ENDOD1: variants seen among roughly 807,000 people sequenced by gnomAD.
ENDOD1 encodes endonuclease domain containing 1, also known as endonuclease domain-containing 1 protein.
A neutral mutation model predicts 6.5 loss-of-function variants in ENDOD1; 9 were observed. The ratio of observed to expected loss-of-function variants is 1.39; its 90% CI spans 0.84 to 2.43. The LOEUF (loss-of-function observed/expected upper bound fraction) is 2.43. ENDOD1 is among the 30% of genes most tolerant of loss of function. ENDOD1 has a pLI of 0.00. For missense variants in ENDOD1, 648 were observed against 635.5 expected (o/e 1.02, Z -0.21); for synonymous variants, 255 against 255.2 (o/e 1.00, Z 0.01).
chr11:95,106,020 G>T (rs1390815450), intron 1 of ENDOD1, among the ~76,000 whole-genome samples: 3 of 152,146 alleles, frequency 2.0e-5, no homozygotes, highest in African/African-American at 7.2e-5. Context: ...GGGAAGCAAG[G>T]GAATGAATGT....
intron 1 of ENDOD1, among the ~76,000 whole-genome samples, chr11:95,124,310 C>T (rs1859290858): frequency 6.6e-6 from 1 of 152,116 alleles, no homozygotes; most frequent in Non-Finnish European, 1.5e-5. Context: ...AGTAAAAATG[C>T]CTTCCACATA....
At chr11:95,100,002 A>T (rs11021042) in intron 1 of ENDOD1, among the ~76,000 whole-genome samples, 7,509 of 152,306 alleles carry the variant, frequency 0.049, 253 homozygotes, top group African/African-American at 0.091. Flanking sequence ...CACAGGGAAA[A>T]GAAAGCCAAG....
At chr11:95,107,354 A>G (rs1017904839) in intron 1 of ENDOD1, among the ~76,000 whole-genome samples, 1 of 151,332 alleles carries the variant, frequency 6.6e-6, no homozygotes, top group East Asian at 2.0e-4. Context: ...AAAAAAAAAA[A>G]GGTCTGGGTG....
In ENDOD1 at chr11:95,090,240, G is replaced by A; in HGVS notation, c.300+13G>A. On this transcript the variant is annotated intron_variant, in intron 1 of 1. Transcript: ENST00000278505. Reference sequence around the variant, plus strand: ...GGTGGAGCCGCAGGTAAGCGAAGTGGTTCCCGAGCCGGGCTGCGGGCGCCG... The same window carrying A: ...GGTGGAGCCGCAGGTAAGCGAAGTGATTCCCGAGCCGGGCTGCGGGCGCCG... The A allele has an allele frequency of 7.3e-7, 1 of 1,368,328 alleles. No individual in the cohort carries two copies. Among genetic ancestry groups the A allele is most frequent in the Non-Finnish European group, 9.5e-7 (1 of 1,056,102 alleles). 84.8% of individuals were successfully genotyped at this position (1,368,328 alleles called of 1,614,324 possible).
chr11:95,107,376 T>G (rs1859099665), intron 1 of ENDOD1, among the ~76,000 whole-genome samples: 1 of 150,844 alleles, frequency 6.6e-6, no homozygotes, highest in Admixed American at 6.6e-5. Context: ...GGCCTGAGGA[T>G]ATTTTTAAAG....
intron 1 of ENDOD1, among the ~76,000 whole-genome samples, chr11:95,115,125 G>A (rs1212008973): frequency 2.6e-5 from 4 of 152,036 alleles, no homozygotes; most frequent in African/African-American, 7.2e-5. Flanking sequence ...CTATGAACAC[G>A]GAATATTTTT....
rs573125350 is a variant in ENDOD1, at chr11:95,094,515, T to A, written c.300+4288T>A. On this transcript the variant is annotated intron_variant, in intron 1 of 1. Transcript: ENST00000278505. ...AGGTTGCTCAAGTGTCACTTTACTC[T>A]GGAATGAAGGGGATATTCTGGTTAA... is the stretch of plus-strand genomic sequence containing the variant. Among the ~76,000 whole-genome samples the A allele has an allele frequency of 4.6e-5, 7 of 152,374 alleles. 1 individual carries two copies. The highest frequency in any genetic ancestry group is 1.4e-4 in the African/African-American group (6 of 41,586).
intron 1 of ENDOD1, among the ~76,000 whole-genome samples, chr11:95,105,403 C>T (rs1375566321): frequency 6.6e-6 from 1 of 152,084 alleles, no homozygotes; most frequent in Admixed American, 6.5e-5. Context: ...AGTTGTAATA[C>T]TGTCTTGTTT....
intron 1 of ENDOD1, 105 bp downstream of exon 1, chr11:95,090,332 C>G: frequency 7.6e-7 from 1 of 1,315,254 alleles, no homozygotes; most frequent in Non-Finnish European, 9.7e-7. Context: ...AACAGCAATC[C>G]CTACGCCTTC....
chr11:95,129,951 A>T lies in ENDOD1; in HGVS notation c.*372A>T, dbSNP rs1273775708. On this transcript the variant is annotated 3_prime_UTR_variant, in exon 2 of 2. Coordinates refer to ENST00000278505, the MANE Select transcript of ENDOD1 (RefSeq NM_015036.3). ...CAACTTTAGACCAAAGGTGTCTGAG[A>T]AAAGGAGAAAGGGAGCTTGTTCTTC... 2 of 168,020 alleles carry T rather than the reference A, an allele frequency of 1.2e-5. No homozygotes were observed. Among genetic ancestry groups the T allele is most frequent in the African/African-American group, 4.8e-5 (2 of 41,854 alleles). The allele number at this position is 168,020 out of a possible 1,614,324, so 10.4% of individuals were successfully genotyped here. A position where few individuals can be genotyped will look rare whatever the true frequency, so the allele number is the denominator to read the frequency against.
At chr11:95,100,452 G>A (rs1486909411) in intron 1 of ENDOD1, among the ~76,000 whole-genome samples, 1 of 151,934 alleles carries the variant, frequency 6.6e-6, no homozygotes, top group Non-Finnish European at 1.5e-5. Context: ...CAACTTGCAG[G>A]TCTTTAACTC....
Position 95,128,730 on chromosome 11 carries a change from T to G in ENDOD1, c.654T>G (p.Phe218Leu). Residue 218 changes from phenylalanine to leucine, a missense_variant, in exon 2 of 2, where the codon TTT (phenylalanine) becomes TTG (leucine). Transcript: ENST00000278505. Reference sequence around the variant, plus strand: ...AAGACAAAGTGGCAGTCCCTGAGTTTGTTTGGCTGGCAGCCTGTTGTGCTG... The same window carrying G: ...AAGACAAAGTGGCAGTCCCTGAGTTGGTTTGGCTGGCAGCCTGTTGTGCTG... ...RVKDKVAVPEFVWLAACCAVP... is the reference protein window; with the variant it reads ...RVKDKVAVPELVWLAACCAVP... The G allele has an allele frequency of 6.2e-7, 1 of 1,614,192 alleles. No individual in the cohort carries two copies. The highest frequency in any genetic ancestry group is 8.5e-7 in the Non-Finnish European group (1 of 1,180,040).
chr11:95,104,304 T>C (rs1859069122), intron 1 of ENDOD1, among the ~76,000 whole-genome samples: 1 of 151,964 alleles, frequency 6.6e-6, no homozygotes, highest in African/African-American at 2.4e-5. Context: ...AAACATTAGC[T>C]GGGCATGGTG....
chr11:95,091,392 C>T (rs1462193698), intron 1 of ENDOD1, among the ~76,000 whole-genome samples: 1 of 152,238 alleles, frequency 6.6e-6, no homozygotes, highest in African/African-American at 2.4e-5. Context: ...ACCTAGTTTT[C>T]TTATCTTCCT....
intron 1 of ENDOD1, among the ~76,000 whole-genome samples, chr11:95,114,217 A>T (rs1433846032): frequency 1.3e-5 from 2 of 152,194 alleles, no homozygotes; most frequent in Admixed American, 6.5e-5. Context: ...CCTGGGCTCA[A>T]GTGATCTTCT....
rs1388278789 is a variant in ENDOD1 at position 95,098,173 on chromosome 11, A to T, written c.300+7946A>T. Among the ~76,000 whole-genome samples the T allele has an allele frequency of 3.3e-5, 5 of 152,074 alleles. No homozygotes were observed. In the East Asian group the frequency reaches 9.6e-4, roughly 29 times the overall value. ...AGATGCTCAACCTATAGTGGCTACC[A>T]GGGGCTGAGGGGTGGGGAAGATGAG... On this transcript the variant is annotated intron_variant, in intron 1 of 1. Coordinates refer to ENST00000278505, the MANE Select transcript of ENDOD1 (RefSeq NM_015036.3).
rs570592255 is a variant in ENDOD1, at chr11:95,089,917, C to A, written c.-11C>A. The A allele has an allele frequency of 1.0e-5, 14 of 1,369,426 alleles. No individual in the cohort carries two copies. In the South Asian group the frequency reaches 2.5e-4, roughly 25 times the overall value. 84.8% of individuals were successfully genotyped at this position (1,369,426 alleles called of 1,614,324 possible). On this transcript the variant is annotated 5_prime_UTR_variant, in exon 1 of 2. Transcript: ENST00000278505. ...CAGCCGCTCGGCCCCGCCGCGCTCG[C>A]AGAGGCCGCCATGGGCACCGCGCGC...
At chr11:95,106,064 T>C (rs782550797) in intron 1 of ENDOD1, among the ~76,000 whole-genome samples, 2 of 152,204 alleles carry the variant, frequency 1.3e-5, no homozygotes, top group Non-Finnish European at 2.9e-5. Flanking sequence ...CGCCTTCCCA[T>C]TGATGGCTCC....
rs1308825923 is a variant in ENDOD1 at position 95,130,054 on chromosome 11, T to C, written c.*475T>C. On this transcript the variant is annotated 3_prime_UTR_variant, in exon 2 of 2. Coordinates refer to ENST00000278505, the MANE Select transcript of ENDOD1 (RefSeq NM_015036.3). ...CAATTTCTTGGCATTTGCTTCTCTTTCTCCTCAACTCGACTGACCTTGGTG... is the reference window on the plus strand; with the variant it reads ...CAATTTCTTGGCATTTGCTTCTCTTCCTCCTCAACTCGACTGACCTTGGTG... The C allele has an allele frequency of 6.5e-6, 1 of 154,014 alleles. No homozygotes were observed. The highest frequency in any genetic ancestry group is 1.4e-5 in the Non-Finnish European group (1 of 69,308). The allele number at this position is 154,014 out of a possible 1,614,324, so 9.5% of individuals were successfully genotyped here.
Sources: allele counts gnomAD v4.1 joint callset (sites outside exome capture counted in the v4.1 genomes callset), GRCh38; gene constraint gnomAD v4.1.1; transcripts MANE v1.5; gene names NCBI Gene and HGNC (gene_info 2026-07-23, HGNC 2026-07-21).